Variants in LRP5 observed in about 807,000 individuals in gnomAD.
LRP5 encodes LDL receptor related protein 5, also known as low-density lipoprotein receptor-related protein 5.
LRP5 carries 62 observed loss-of-function variants against 154.1 expected under a neutral mutation model. The observed-to-expected ratio is 0.40, with a 90% CI of 0.33 to 0.50. The LOEUF (loss-of-function observed/expected upper bound fraction) is 0.50, where lower values mean the gene tolerates loss of function less well. LRP5 is among the 20% of genes least tolerant of loss of function. The pLI, the probability that LRP5 is intolerant of heterozygous loss-of-function variation, is 0.55. For synonymous variants in LRP5, 966 were observed against 1,011.5 expected (o/e 0.96, Z 0.85); for missense variants, 1,915 against 2,336.7 (o/e 0.82, Z 3.72).
chr11:68,406,633 G>A lies in LRP5; in HGVS notation c.1911G>A (p.Met637Ile). 6.2e-7 allele frequency: 1 copy of A among 1,614,182 alleles called. No homozygotes were observed. The highest frequency in any genetic ancestry group is 8.5e-7 in the Non-Finnish European group (1 of 1,180,042). ...TCGGCCTGGAGCTGCTGAGTGACAT[G>A]AAGACCTGCATCGTGCCTGAGGCCT... is the stretch of plus-strand genomic sequence containing the variant. ...CPIGLELLSD[M>I]KTCIVPEAFL... The change falls in exon 9 of 23, where the codon ATG (methionine) becomes ATA (isoleucine). Residue 637 changes from methionine (M) to isoleucine (I), a missense_variant. Physicochemically the swap from Met to Ile is conservative, Grantham distance 10. This residue lies in a region of LRP5 where 773 missense variants were observed against 1,100.9 expected (regional missense o/e 0.70). Transcript: ENST00000294304.
At chr11:68,432,340 C>T (rs1026253671) in intron 17 of LRP5, among the ~76,000 whole-genome samples, 4 of 152,238 alleles carry the variant, frequency 2.6e-5, no homozygotes, top group Non-Finnish European at 5.9e-5. Context: ...TCCCCCATGG[C>T]CAGGCACGGC....
chr11:68,328,606 G>C (rs1249145303), intron 1 of LRP5, among the ~76,000 whole-genome samples: 1 of 152,214 alleles, frequency 6.6e-6, no homozygotes, highest in Non-Finnish European at 1.5e-5. Context: ...CCAGCCGACT[G>C]TCGGGGGGTT....
At chr11:68,377,446 A>G (rs1465768688) in intron 5 of LRP5, among the ~76,000 whole-genome samples, 1 of 152,138 alleles carries the variant, frequency 6.6e-6, no homozygotes, top group Non-Finnish European at 1.5e-5. Context: ...GGCCGGCCTC[A>G]GGTTCCAGCA....
intron 12 of LRP5, among the ~76,000 whole-genome samples, chr11:68,416,054 C>A (rs1235193364): frequency 4.8e-5 from 7 of 146,474 alleles, no homozygotes; most frequent in Non-Finnish European, 7.5e-5. Context: ...GACTCCATCT[C>A]AAAAAAAAAA....
intron 1 of LRP5, among the ~76,000 whole-genome samples, chr11:68,323,262 C>G (rs138304009): frequency 0.012 from 1,821 of 152,162 alleles, 29 homozygotes; most frequent in African/African-American, 0.041. Context: ...GCACCCGCCA[C>G]CATGCCTGGG....
intron 7 of LRP5, among the ~76,000 whole-genome samples, chr11:68,393,801 A>G (rs2098647728): frequency 6.6e-6 from 1 of 152,162 alleles, no homozygotes; most frequent in Admixed American, 6.5e-5. Flanking sequence ...AAAAATAAAA[A>G]TAAATAAAAA....
intron 5 of LRP5, among the ~76,000 whole-genome samples, chr11:68,374,876 A>C (rs1171926849): frequency 3.3e-5 from 5 of 152,222 alleles, no homozygotes; most frequent in African/African-American, 1.2e-4. Flanking sequence ...GAGCGGGGGC[A>C]CAGGGGGAAT....
intron 5 of LRP5, 114 bp downstream of exon 5, chr11:68,365,816 C>T: frequency 9.1e-7 from 1 of 1,094,830 alleles, no homozygotes; most frequent in South Asian, 1.6e-5. Context: ...CGAAATGATC[C>T]ACTTGGCGGG....
chr11:68,332,228 A>G (rs1041393418), intron 1 of LRP5, among the ~76,000 whole-genome samples: 1 of 152,166 alleles, frequency 6.6e-6, no homozygotes, highest in Non-Finnish European at 1.5e-5. Context: ...TCATATGCCA[A>G]CCCTGGCCAC....
At chr11:68,349,520 C>T (rs935287991) in intron 2 of LRP5, among the ~76,000 whole-genome samples, 1 of 152,204 alleles carries the variant, frequency 6.6e-6, no homozygotes, top group Non-Finnish European at 1.5e-5. Flanking sequence ...AGTGCAGCTC[C>T]TTGTCTGGAA....
At chr11:68,326,542 C>T (rs937872878) in intron 1 of LRP5, among the ~76,000 whole-genome samples, 1 of 152,216 alleles carries the variant, frequency 6.6e-6, no homozygotes, top group African/African-American at 2.4e-5. Flanking sequence ...GTGCCTTTGC[C>T]CCGCTCTGAC....
In LRP5 at chr11:68,333,966, G is replaced by A. The variant is rs181732997; in HGVS notation, c.92-13881G>A. ...GCATTTAAAGAAGCAGACCAGGCGC[G>A]GTGGCTCACACCTGTAATCCCAGCA... is the stretch of plus-strand genomic sequence containing the variant. On this transcript the variant is annotated intron_variant, in intron 1 of 22. Coordinates refer to ENST00000294304, the MANE Select transcript of LRP5 (RefSeq NM_002335.4). Among the ~76,000 whole-genome samples, 368 of 152,268 alleles carry A rather than the reference G, an allele frequency of 2.4e-3. 2 individuals are homozygous for A. Among genetic ancestry groups the A allele is most frequent in the African/African-American group, 8.0e-3 (334 of 41,550 alleles).
At chr11:68,391,642 C>T (rs2098646402) in intron 7 of LRP5, among the ~76,000 whole-genome samples, 1 of 152,236 alleles carries the variant, frequency 6.6e-6, no homozygotes, top group Non-Finnish European at 1.5e-5. Context: ...GACGCCCTTC[C>T]CACGAAAACC....
At position 68,312,690 on chromosome 11, in the gene LRP5, C is replaced by A. The variant is rs1363434262; in HGVS notation, c.-25C>A. The A allele has an allele frequency of 3.0e-6, 3 of 985,214 alleles. No homozygotes were observed. Among genetic ancestry groups the A allele is most frequent in the African/African-American group, 3.6e-5 (2 of 55,728 alleles). The allele number at this position is 985,214 out of a possible 1,614,324, so 61.0% of individuals were successfully genotyped here. On this transcript the variant is annotated 5_prime_UTR_variant, in exon 1 of 23. Transcript: ENST00000294304. ...CCATGGAGCCCGAGTGAGCGCGGCG[C>A]GGGCCCGTCCGGCCGCCGGACAACA... is the stretch of plus-strand genomic sequence containing the variant.
At chr11:68,361,893 C>T (rs1185809336) in intron 3 of LRP5, among the ~76,000 whole-genome samples, 4 of 152,348 alleles carry the variant, frequency 2.6e-5, no homozygotes, top group East Asian at 1.9e-4. Flanking sequence ...CATTGATTTA[C>T]GTATGACCCA....
intron 5 of LRP5, among the ~76,000 whole-genome samples, chr11:68,385,913 G>A (rs2098642716): frequency 6.6e-6 from 1 of 152,100 alleles, no homozygotes; most frequent in Non-Finnish European, 1.5e-5. Flanking sequence ...CCAGCAGCTG[G>A]GTCTGCAGCC....
chr11:68,378,615 A>G (rs756858668), intron 5 of LRP5, among the ~76,000 whole-genome samples: 3 of 152,164 alleles, frequency 2.0e-5, no homozygotes, highest in Non-Finnish European at 4.4e-5. Context: ...AATAACATTT[A>G]TACGTTCGCT....
chr11:68,309,821 GGC>G (rs1176380131), upstream of LRP5, among the ~76,000 whole-genome samples: 1 of 152,116 alleles, frequency 6.6e-6, no homozygotes, highest in African/African-American at 2.4e-5. Flanking sequence ...CCTCTCTCCT[GGC>G]TGCTACCATT....
chr11:68,347,703 G>A (rs539306926), intron 1 of LRP5, 144 bp from the exon 2 acceptor site: 16 of 1,003,220 alleles, frequency 1.6e-5, no homozygotes, highest in African/African-American at 1.3e-4. Flanking sequence ...TCCTGACAAC[G>A]CCTTAGGGGT....
Sources: gnomAD v4.1 joint callset for allele counts (sites outside exome capture counted in the v4.1 genomes callset) on GRCh38, gnomAD v4.1.1 for gene constraint, gnomAD v4.1.1 regional missense constraint, MANE v1.5 for transcripts, NCBI Gene and HGNC (gene_info 2026-07-23, HGNC 2026-07-21) for gene names.